Variants in TMEM179B observed in about 807,000 individuals in gnomAD.
TMEM179B encodes transmembrane protein 179B.
TMEM179B carries 13 observed loss-of-function variants against 18.0 expected under a neutral mutation model. The observed-to-expected ratio is 0.72, with a 90% CI of 0.47 to 1.15. The LOEUF (loss-of-function observed/expected upper bound fraction) is 1.15, where lower values mean the gene tolerates loss of function less well. Ranked by LOEUF, TMEM179B falls within the 50% of genes most tolerant of loss-of-function variation. TMEM179B has a pLI of 0.00. For synonymous variants in TMEM179B, 159 were observed against 117.5 expected, an observed-to-expected ratio of 1.35 and a Z score of -2.29; for missense variants, 320 against 270.6, an observed-to-expected ratio of 1.18 and a Z score of -1.28.
chr11:62,787,812 A>G (rs2084306279), intron 1 of TMEM179B: 3 of 673,610 alleles, frequency 4.5e-6, no homozygotes, highest in Admixed American at 4.1e-5. Flanking sequence ...GCACAGCCTT[A>G]CTGTGGTTCC....
At chr11:62,788,993 A>G (rs778354387) in intron 1 of TMEM179B, 30 bp from the exon 2 acceptor site, 1 of 1,590,040 alleles carries the variant, frequency 6.3e-7, no homozygotes, top group Non-Finnish European at 8.6e-7. Flanking sequence ...ATTAACCTGA[A>G]ATCTAGGACT....
rs764312648 is a variant in TMEM179B at position 62,789,900 on chromosome 11, G to A, written c.513G>A (p.Val171=). Residue 171 remains valine (V), a synonymous_variant, in exon 5 of 5, where the codon GTG becomes GTA. Coordinates refer to ENST00000333449, the MANE Select transcript of TMEM179B (RefSeq NM_199337.3). ...NLHNAETSSW[V]NLVLWCVVLV... ...GTCTCCTACAGACCTCTTCTTGGGT[G>A]AATTTGGTATTGTGGTGTGTGGTCT... The A allele has an allele frequency of 1.2e-6, 2 of 1,613,824 alleles. No individual in the cohort carries two copies. Among genetic ancestry groups the A allele is most frequent in the Non-Finnish European group, 1.7e-6 (2 of 1,179,878 alleles).
intron 3 of TMEM179B, 81 bp from the exon 4 acceptor site, chr11:62,789,520 C>T: frequency 1.3e-6 from 2 of 1,589,970 alleles, no homozygotes. Flanking sequence ...CAGTTGCTCT[C>T]AACTCACAGG....
At position 62,787,430 on chromosome 11, in the gene TMEM179B, C is replaced by T. The variant is rs761488583; in HGVS notation, c.-2C>T. 45 of 1,562,760 alleles carry T rather than the reference C, an allele frequency of 2.9e-5. 1 individual carries two copies. The South Asian group carries it at 4.5e-4, about 16-fold the overall frequency. On this transcript the variant is annotated 5_prime_UTR_variant, in exon 1 of 5. Transcript: ENST00000333449. ...GCGGCGCTTCCTGGTGGTCAGGGCG[C>T]CATGGCGCTGTCCTGGCTGCAGCGC...
chr11:62,787,881 G>A, intron 1 of TMEM179B: 1 of 565,694 alleles, frequency 1.8e-6, no homozygotes, highest in Non-Finnish European at 3.4e-6. Context: ...CATTTGTGCT[G>A]AGCTTTGTCG....
chr11:62,789,131 G>GCCTCTGGCCTCTTGGC lies in TMEM179B; in HGVS notation c.211_226dup (p.Tyr76TrpfsTer70). On this transcript the variant is annotated frameshift_variant, in exon 2 of 5. Coordinates refer to ENST00000333449, the MANE Select transcript of TMEM179B (RefSeq NM_199337.3). LOFTEE classifies it high-confidence loss of function. ...ATCCCTGTGCTACTTTGTAGCTGGG[G>GCCTCTGGCCTCTTGGC]CCTCTGGCCTCTTGGCCCTCTACTG... 1 of 1,614,158 alleles carries GCCTCTGGCCTCTTGGC rather than the reference G, an allele frequency of 6.2e-7. No individual in the cohort carries two copies. Among genetic ancestry groups the GCCTCTGGCCTCTTGGC allele is most frequent in the Non-Finnish European group, 8.5e-7 (1 of 1,180,028 alleles).
At position 62,787,403 on chromosome 11, in the gene TMEM179B, C is replaced by A; in HGVS notation, c.-29C>A. 1.3e-6 allele frequency: 2 copies of A among 1,556,650 alleles called. No individual in the cohort carries two copies. The highest frequency in any genetic ancestry group is 8.6e-7 in the Non-Finnish European group (1 of 1,159,696). On this transcript the variant is annotated 5_prime_UTR_variant, in exon 1 of 5. Transcript: ENST00000333449. ...GTGGGCTTTGGGCGGGGTGCTGCTGCAGCGGCGCTTCCTGGTGGTCAGGGC... is the reference window on the plus strand; with the variant it reads ...GTGGGCTTTGGGCGGGGTGCTGCTGAAGCGGCGCTTCCTGGTGGTCAGGGC...
chr11:62,789,392 T>C lies in TMEM179B; in HGVS notation c.385T>C (p.Cys129Arg). 1 of 1,613,948 alleles carries C rather than the reference T, an allele frequency of 6.2e-7. No individual in the cohort carries two copies. The highest frequency in any genetic ancestry group is 8.5e-7 in the Non-Finnish European group (1 of 1,180,018). Reference sequence around the variant, plus strand: ...CCTTCGATTTGGCACCAGGTCTCTCTGCAACTCCATCATCTCCTTGAACAC... The same window carrying C: ...CCTTCGATTTGGCACCAGGTCTCTCCGCAACTCCATCATCTCCTTGAACAC... The part of the protein sequence containing the change: ...CILRFGTRSL[C>R]NSIISLNTTI... The change falls in exon 3 of 5, where the codon TGC (cysteine) becomes CGC (arginine). Residue 129 changes from cysteine (C) to arginine (R), a missense_variant. Cys to Arg is a radical substitution (Grantham distance 180). Transcript: ENST00000333449.
At position 62,787,461 on chromosome 11, in the gene TMEM179B, G is replaced by T. The variant is rs1565192328; in HGVS notation, c.30G>T (p.Glu10Asp). The T allele has an allele frequency of 1.9e-6, 3 of 1,574,962 alleles. No homozygotes were observed. The highest frequency in any genetic ancestry group is 1.7e-6 in the Non-Finnish European group (2 of 1,167,744). Residue 10 changes from glutamate (E) to aspartate (D), a missense_variant, in exon 1 of 5, where the codon GAG (glutamate) becomes GAT (aspartate). By Grantham distance (45) the Glu-to-Asp change is conservative (BLOSUM62 2). Transcript: ENST00000333449. ...CGCTGTCCTGGCTGCAGCGCGTCGA[G>T]CTTGCGCTCTTTGCTGCCGCCTTCC... MALSWLQRV[E>D]LALFAAAFLC...
At chr11:62,788,409 A>G (rs767744941) in intron 1 of TMEM179B, among the ~76,000 whole-genome samples, 4 of 148,368 alleles carry the variant, frequency 2.7e-5, no homozygotes, top group Non-Finnish European at 5.9e-5. Context: ...CGCAAAAACA[A>G]AAACAAAAAC....
At position 62,790,188 on chromosome 11, in the gene TMEM179B, C is replaced by T; in HGVS notation, c.*141C>T. 3.3e-6 allele frequency: 3 copies of T among 905,278 alleles called. No homozygotes were observed. Among genetic ancestry groups the T allele is most frequent in the Non-Finnish European group, 4.8e-6 (3 of 623,850 alleles). 56.1% of individuals were successfully genotyped at this position (905,278 alleles called of 1,614,324 possible). A position where few individuals can be genotyped will look rare whatever the true frequency, so the allele number is the denominator to read the frequency against. On this transcript the variant is annotated 3_prime_UTR_variant, in exon 5 of 5. Transcript: ENST00000333449. Reference sequence around the variant, plus strand: ...GGGGGAAACATAATGACAGGCCCCCCTCCACCTCTTCCTGCAGCTGTTTTT... The same window carrying T: ...GGGGGAAACATAATGACAGGCCCCCTTCCACCTCTTCCTGCAGCTGTTTTT...
At chr11:62,788,397 A>G (rs1390084200) in intron 1 of TMEM179B, among the ~76,000 whole-genome samples, 2 of 149,372 alleles carry the variant, frequency 1.3e-5, no homozygotes, top group East Asian at 2.0e-4. Flanking sequence ...GCGAATCTCC[A>G]TCGCAAAAAC....
At position 62,789,178 on chromosome 11, in the gene TMEM179B, G is replaced by A; in HGVS notation, c.252G>A (p.Trp84Ter). The stretch of plus-strand genomic sequence containing the variant: ...ACTGCCTCCTGCTTTTGCTCTTCTG[G>A]ATCTACAGCAGCTGCATCGAGGACT... The part of the protein sequence containing the change: ...ALYCLLLLLF[W>*]IYSSCIEDSH... Residue 84 changes from tryptophan to a stop codon, truncating the protein, a stop_gained, in exon 2 of 5, where the codon TGG (tryptophan) becomes TGA (stop). Coordinates refer to ENST00000333449, the MANE Select transcript of TMEM179B (RefSeq NM_199337.3). LOFTEE classifies it high-confidence loss of function. 6.2e-7 allele frequency: 1 copy of A among 1,614,134 alleles called. No homozygotes were observed. The highest frequency in any genetic ancestry group is 1.1e-5 in the South Asian group (1 of 91,078).
intron 1 of TMEM179B, 81 bp from the exon 2 acceptor site, chr11:62,788,942 A>G (rs2134740338): frequency 6.9e-7 from 1 of 1,445,470 alleles, no homozygotes; most frequent in Non-Finnish European, 9.4e-7. Context: ...ACCATTCCTA[A>G]GTTATCACTA....
rs779222937 is a variant in TMEM179B, at chr11:62,787,499, T to TGGCGGCCGC, written c.73_81dup (p.Ala25_Ala27dup). On this transcript the variant is annotated inframe_insertion, in exon 1 of 5. Coordinates refer to ENST00000333449, the MANE Select transcript of TMEM179B (RefSeq NM_199337.3). Reference sequence around the variant, plus strand: ...GCTGCCGCCTTCCTGTGCGGGGCCGTGGCGGCCGCGGCGATGACTCGGACC... The same window carrying TGGCGGCCGC: ...GCTGCCGCCTTCCTGTGCGGGGCCGTGGCGGCCGCGGCGGCCGCGGCGATGACTCGGACC... 148 of 1,578,758 alleles carry TGGCGGCCGC rather than the reference T, an allele frequency of 9.4e-5. No homozygotes were observed. Among genetic ancestry groups the TGGCGGCCGC allele is most frequent in the Middle Eastern group, 2.0e-4 (1 of 4,944 alleles).
chr11:62,789,149 C>T lies in TMEM179B; in HGVS notation c.223C>T (p.Leu75Phe). 6.2e-7 allele frequency: 1 copy of T among 1,614,194 alleles called. No individual in the cohort carries two copies. Among genetic ancestry groups the T allele is most frequent in the Non-Finnish European group, 8.5e-7 (1 of 1,180,032 alleles). The change falls in exon 2 of 5, where the codon CTC becomes TTC. Residue 75 changes from leucine to phenylalanine, a missense_variant. Leu to Phe is a conservative substitution (Grantham distance 22). Coordinates refer to ENST00000333449, the MANE Select transcript of TMEM179B (RefSeq NM_199337.3). ...AGCTGGGGCCTCTGGCCTCTTGGCC[C>T]TCTACTGCCTCCTGCTTTTGCTCTT... The part of the protein sequence containing the change: ...FVAGASGLLA[L>F]YCLLLLLFWI...
At position 62,789,217 on chromosome 11, in the gene TMEM179B, G is replaced by A; in HGVS notation, c.284+7G>A. ...GCATCGAGGACTCCCACAGGTGACTGCCTAACCCTGAGGGCCAGGGGCTGA... is the reference window on the plus strand; with the variant it reads ...GCATCGAGGACTCCCACAGGTGACTACCTAACCCTGAGGGCCAGGGGCTGA... On this transcript the variant is annotated splice_region_variant and intron_variant, in intron 2 of 4. Transcript: ENST00000333449. 1 of 1,614,012 alleles carries A rather than the reference G, an allele frequency of 6.2e-7. No homozygotes were observed. The highest frequency in any genetic ancestry group is 8.5e-7 in the Non-Finnish European group (1 of 1,179,892).
Position 62,789,086 on chromosome 11 carries a change from T to G in TMEM179B, c.160T>G (p.Leu54Val), listed in dbSNP as rs775463957. The G allele has an allele frequency of 6.8e-6, 11 of 1,614,210 alleles. No individual in the cohort carries two copies. The highest frequency in any genetic ancestry group is 8.5e-6 in the Non-Finnish European group (10 of 1,180,032). ...VATLNGSSLA[L>V]SRPSAPSLCY... ...CACCCTGAATGGCTCCTCCCTGGCC[T>G]TATCCCGTCCCTCAGCACCATCCCT... The change falls in exon 2 of 5, where the codon TTA becomes GTA. Residue 54 changes from leucine to valine, a missense_variant. By Grantham distance (32) the Leu-to-Val change is conservative. Coordinates refer to ENST00000333449, the MANE Select transcript of TMEM179B (RefSeq NM_199337.3).
Position 62,787,421 on chromosome 11 carries a change from G to A in TMEM179B, c.-11G>A, listed in dbSNP as rs1312087313. On this transcript the variant is annotated 5_prime_UTR_variant, in exon 1 of 5. Transcript: ENST00000333449. ...GCTGCTGCAGCGGCGCTTCCTGGTGGTCAGGGCGCCATGGCGCTGTCCTGG... is the reference window on the plus strand; with the variant it reads ...GCTGCTGCAGCGGCGCTTCCTGGTGATCAGGGCGCCATGGCGCTGTCCTGG... 1.9e-6 allele frequency: 3 copies of A among 1,560,152 alleles called. No homozygotes were observed. The Admixed American group carries it at 5.5e-5, about 29-fold the overall frequency.
Sources: gnomAD v4.1 joint callset for allele counts (sites outside exome capture counted in the v4.1 genomes callset) on GRCh38, gnomAD v4.1.1 for gene constraint, MANE v1.5 for transcripts, NCBI Gene and HGNC (gene_info 2026-07-23, HGNC 2026-07-21) for gene names.